Variants in ACTR3C observed in about 807,000 individuals in gnomAD.
The protein encoded by ACTR3C is actin related protein 3C, also known as actin-related protein 3C.
Under a neutral mutation model 26.3 loss-of-function variants are expected in ACTR3C, and 18 were observed. The ratio of observed to expected loss-of-function variants is 0.68; its 90% CI spans 0.47 to 1.01. The LOEUF (loss-of-function observed/expected upper bound fraction) is 1.01. Among genes scored for constraint, ACTR3C ranks in the 50% least tolerant of loss-of-function variants. ACTR3C has a pLI of 0.00. For missense variants in ACTR3C, 184 were observed against 250.7 expected (o/e 0.73, Z 1.80); for synonymous variants, 55 against 94.5 (o/e 0.58, Z 2.42).
At chr7:150,185,276 CGTGTGTGTGTGTGTGT>C in the ACTR3C span, among the ~76,000 whole-genome samples, 40 of 140,968 alleles carry the variant, frequency 2.8e-4, no homozygotes, top group Non-Finnish European at 3.9e-4. Context: ...AAATGTCAGG[CGTGTGTGTGTGTGTGT>C]GTGTGTGTGT....
At chr7:150,078,144 T>C in the ACTR3C span, among the ~76,000 whole-genome samples, 1 of 152,212 alleles carries the variant, frequency 6.6e-6, no homozygotes, top group Non-Finnish European at 1.5e-5. Context: ...CCTTTATCAC[T>C]AGGATGTTTT....
the ACTR3C span, among the ~76,000 whole-genome samples, chr7:150,036,161 T>TC: frequency 0.018 from 2,232 of 121,588 alleles, 211 homozygotes; most frequent in Admixed American, 0.05. Flanking sequence ...GGGGGGTGCC[T>TC]CCCCCCCCGC....
chr7:150,084,467 C>T, the ACTR3C span, among the ~76,000 whole-genome samples: 3 of 151,798 alleles, frequency 2.0e-5, no homozygotes, highest in Admixed American at 6.6e-5. Context: ...GATTGTGTGG[C>T]GGGGGGAGAG....
At chr7:150,069,949 A>G in the ACTR3C span, among the ~76,000 whole-genome samples, 19 of 152,272 alleles carry the variant, frequency 1.2e-4, no homozygotes, top group African/African-American at 3.9e-4. Flanking sequence ...TCTCCCAGCA[A>G]TTCAGGTAAA....
chr7:150,181,221 G>A, the ACTR3C span, among the ~76,000 whole-genome samples: 2 of 150,736 alleles, frequency 1.3e-5, no homozygotes, highest in South Asian at 4.1e-4. Flanking sequence ...AAATATGTTG[G>A]TCTTAGCAAA....
chr7:150,154,191 T>C, the ACTR3C span, among the ~76,000 whole-genome samples: 1 of 151,706 alleles, frequency 6.6e-6, no homozygotes, highest in Non-Finnish European at 1.5e-5. Flanking sequence ...ACCTGCACAT[T>C]GTGCACATGT....
intron 1 of ACTR3C, among the ~76,000 whole-genome samples, chr7:150,310,807 G>A (rs1217453299): frequency 6.6e-6 from 1 of 152,106 alleles, no homozygotes; most frequent in Non-Finnish European, 1.5e-5. Context: ...ATATGTTGAT[G>A]AACTTCTTCT....
the ACTR3C span, among the ~76,000 whole-genome samples, chr7:150,158,966 C>CACACACAG: frequency 3.3e-5 from 5 of 150,304 alleles, no homozygotes; most frequent in Admixed American, 1.3e-4. Context: ...TACACACGTG[C>CACACACAG]GCACACACAG....
At chr7:150,220,736 C>A in the ACTR3C span, among the ~76,000 whole-genome samples, 1 of 152,290 alleles carries the variant, frequency 6.6e-6, no homozygotes, top group East Asian at 1.9e-4. Context: ...GCCAGGGAGT[C>A]GCGCGCACTC....
intron 6 of ACTR3C, among the ~76,000 whole-genome samples, chr7:150,254,798 C>G (rs1833093083): frequency 6.6e-6 from 1 of 152,208 alleles, no homozygotes; most frequent in Non-Finnish European, 1.5e-5. Context: ...CTCGTTATAT[C>G]AATGACTGGC....
chr7:150,307,433 C>T (rs1414000024), intron 1 of ACTR3C, among the ~76,000 whole-genome samples: 1 of 152,244 alleles, frequency 6.6e-6, no homozygotes, highest in Non-Finnish European at 1.5e-5. Flanking sequence ...CCTACCTTAA[C>T]TGATCAGTCG....
At chr7:150,046,600 A>G in the ACTR3C span, among the ~76,000 whole-genome samples, 12 of 139,628 alleles carry the variant, frequency 8.6e-5, no homozygotes, top group African/African-American at 3.3e-4. Flanking sequence ...TAGCTGTTAT[A>G]AGAGCTGTAC....
chr7:150,040,651 C>T, the ACTR3C span: 5 of 146,230 alleles, frequency 3.4e-5, no homozygotes, highest in African/African-American at 1.3e-4. Flanking sequence ...AAATCCCACG[C>T]AAGGTACCTG....
chr7:149,940,308 T>C, the ACTR3C span, among the ~76,000 whole-genome samples: 1 of 152,018 alleles, frequency 6.6e-6, no homozygotes, highest in Non-Finnish European at 1.5e-5. Flanking sequence ...GAATTTTGTA[T>C]GATGCATTTG....
the ACTR3C span, among the ~76,000 whole-genome samples, chr7:150,152,125 C>T: frequency 1.3e-5 from 2 of 152,066 alleles, no homozygotes; most frequent in East Asian, 1.9e-4. Flanking sequence ...ATTGAATACC[C>T]TTTATTTCCT....
At chr7:150,107,845 C>T in the ACTR3C span, among the ~76,000 whole-genome samples, 1 of 151,542 alleles carries the variant, frequency 6.6e-6, no homozygotes, top group Non-Finnish European at 1.5e-5. Context: ...CAGAATGGGC[C>T]CCTTATAGGG....
the ACTR3C span, among the ~76,000 whole-genome samples, chr7:150,116,419 A>G: frequency 6.6e-6 from 1 of 152,168 alleles, no homozygotes; most frequent in African/African-American, 2.4e-5. Flanking sequence ...TTGGGGGTTG[A>G]TTTCTGGTAA....
chr7:150,308,535 C>G (rs1325992526), intron 1 of ACTR3C, among the ~76,000 whole-genome samples: 3 of 152,122 alleles, frequency 2.0e-5, no homozygotes, highest in African/African-American at 7.2e-5. Context: ...GCTCCCAATG[C>G]AGCTCATCCC....
chr7:150,036,017 T>TG, the ACTR3C span, among the ~76,000 whole-genome samples: 308 of 98,932 alleles, frequency 3.1e-3, 14 homozygotes, highest in African/African-American at 4.7e-3. Flanking sequence ...CCCCCAGCGA[T>TG]GGGGTCCTAA....
Sources: allele counts gnomAD v4.1 joint callset (sites outside exome capture counted in the v4.1 genomes callset), GRCh38; gene constraint gnomAD v4.1.1; transcripts MANE v1.5; gene names NCBI Gene and HGNC (gene_info 2026-07-23, HGNC 2026-07-21).